ZNF536: variants seen among roughly 807,000 people sequenced by gnomAD.
The protein encoded by ZNF536 is zinc finger protein 536.
Under a neutral mutation model 84.5 loss-of-function variants are expected in ZNF536, and 13 were observed. The observed-to-expected ratio is 0.15, with a 90% CI of 0.10 to 0.24. ZNF536 has a LOEUF of 0.24. Among genes scored for constraint, ZNF536 ranks in the 10% least tolerant of loss-of-function variants. ZNF536 has a pLI of 1.00. For missense variants in ZNF536, 1,536 were observed against 1,747.5 expected (o/e 0.88, Z 2.16); for synonymous variants, 811 against 742.5 (o/e 1.09, Z -1.50).
chr19:30,543,930 C>A lies in ZNF536; in HGVS notation c.2324-4013C>A, dbSNP rs111569689. Among the ~76,000 whole-genome samples, 770 of 152,260 alleles carry A rather than the reference C, an allele frequency of 5.1e-3. 7 individuals are homozygous for A. The highest frequency in any genetic ancestry group is 0.017 in the African/African-American group (718 of 41,560). ...CTGGGTGTGCCTGGCTAGAAACATG[C>A]CCTGGCCGGGGCTCACTTTCATCTC... On this transcript the variant is annotated intron_variant, in intron 3 of 4. Transcript: ENST00000355537.
At chr19:30,268,743 G>T (rs1337363569) in intron 1 of ZNF536, among the ~76,000 whole-genome samples, 2 of 152,224 alleles carry the variant, frequency 1.3e-5, no homozygotes, top group African/African-American at 4.8e-5. Context: ...ATTGGAGAAT[G>T]AAGCGAACAT....
chr19:30,391,793 T>C (rs2049601027), intron 1 of ZNF536, among the ~76,000 whole-genome samples: 2 of 152,190 alleles, frequency 1.3e-5, no homozygotes, highest in African/African-American at 4.8e-5. Context: ...AAACTTTCCC[T>C]TGTTCTGATT....
At chr19:30,439,325 T>C (rs1005587310) in intron 1 of ZNF536, among the ~76,000 whole-genome samples, 2 of 152,280 alleles carry the variant, frequency 1.3e-5, no homozygotes, top group East Asian at 1.9e-4. Context: ...CGAGGGCAGG[T>C]ACATGGAAGG....
chr19:30,635,889 C>T (rs1013614856), intron 1 of ZNF536, among the ~76,000 whole-genome samples: 1 of 152,358 alleles, frequency 6.6e-6, no homozygotes, highest in South Asian at 2.1e-4. Flanking sequence ...AAACCCAGCT[C>T]CCTGCCATGT....
At chr19:30,712,278 G>A (rs1914466681) in exon 2 of ZNF536, 1 of 152,138 alleles carries the variant, frequency 6.6e-6, no homozygotes, top group South Asian at 2.1e-4. Context: ...AAGAAGACTA[G>A]TTAAAGGTTT....
intron 1 of ZNF536, among the ~76,000 whole-genome samples, chr19:30,264,966 T>TGTGTGTGTGTGTGTGAGAGA (rs59889852): frequency 3.0e-5 from 4 of 133,858 alleles, no homozygotes; most frequent in South Asian, 2.7e-4. Context: ...TGTGTGTGTG[T>TGTGTGTGTGTGTGTGAGAGA]GAGAGAGAGA....
At chr19:30,256,398 G>C (rs568403466) in intron 1 of ZNF536, among the ~76,000 whole-genome samples, 23 of 152,238 alleles carry the variant, frequency 1.5e-4, no homozygotes, top group Admixed American at 5.9e-4. Flanking sequence ...TACGAGCCCG[G>C]TTTGCTATTT....
rs558334048 is a variant in ZNF536, at chr19:30,488,689, C to T, written c.2170+42957C>T. 1.1e-4 allele frequency among the ~76,000 whole-genome samples: 17 copies of T among 151,924 alleles called. 1 individual carries two copies. Among genetic ancestry groups the T allele is most frequent in the South Asian group, 4.2e-4 (2 of 4,808 alleles). On this transcript the variant is annotated intron_variant, in intron 2 of 4. Coordinates refer to ENST00000355537, the MANE Select transcript of ZNF536 (RefSeq NM_014717.3). Reference sequence around the variant, plus strand: ...AGGAAAGCAAGCCAGGGGCAGAGGGCGGGTTGAGGGGTCAGCTGGAGGAAT... The same window carrying T: ...AGGAAAGCAAGCCAGGGGCAGAGGGTGGGTTGAGGGGTCAGCTGGAGGAAT...
At chr19:30,310,550 T>G (rs1435138876) in intron 2 of ZNF536, among the ~76,000 whole-genome samples, 1 of 152,226 alleles carries the variant, frequency 6.6e-6, no homozygotes, top group Non-Finnish European at 1.5e-5. Flanking sequence ...TGATGTTTAT[T>G]TGTTGGATAT....
intron 1 of ZNF536, among the ~76,000 whole-genome samples, chr19:30,702,224 G>T (rs760817763): frequency 5.9e-5 from 9 of 152,164 alleles, no homozygotes; most frequent in African/African-American, 2.2e-4. Flanking sequence ...CCCCACTTTC[G>T]TTATAAACAA....
intron 1 of ZNF536, among the ~76,000 whole-genome samples, chr19:30,669,339 G>T (rs2050454194): frequency 6.6e-6 from 1 of 152,210 alleles, no homozygotes; most frequent in Admixed American, 6.5e-5. Flanking sequence ...AGGACCACTG[G>T]CATTTGTGAT....
chr19:30,248,580 A>T (rs1437423704), intron 1 of ZNF536, among the ~76,000 whole-genome samples: 1 of 151,914 alleles, frequency 6.6e-6, no homozygotes, highest in Admixed American at 6.6e-5. Context: ...AGTTGGGGAG[A>T]TGTTCTTGAA....
At chr19:30,630,393 A>G (rs1208652186) in intron 1 of ZNF536, among the ~76,000 whole-genome samples, 2 of 122,512 alleles carry the variant, frequency 1.6e-5, no homozygotes, top group Non-Finnish European at 3.5e-5. Flanking sequence ...TTCTCCAGGA[A>G]GTATCCCGTG....
chr19:30,491,175 G>A (rs1239791253), intron 2 of ZNF536, among the ~76,000 whole-genome samples: 2 of 152,106 alleles, frequency 1.3e-5, no homozygotes, highest in African/African-American at 2.4e-5. Flanking sequence ...AGGGTGTTTT[G>A]GATAATTACA....
intron 3 of ZNF536, among the ~76,000 whole-genome samples, chr19:30,537,741 A>C (rs2045147804): frequency 6.6e-6 from 1 of 152,200 alleles, no homozygotes; most frequent in Non-Finnish European, 1.5e-5. Flanking sequence ...TCTGCTTCAC[A>C]AACCTTGGAA....
chr19:30,450,324 G>T (rs75419562), intron 2 of ZNF536, among the ~76,000 whole-genome samples: 50 of 152,224 alleles, frequency 3.3e-4, no homozygotes, highest in East Asian at 1.9e-3. Context: ...GGGGCTGGAG[G>T]GGGGGAGAGG....
chr19:30,656,407 C>G (rs2049916352), intron 1 of ZNF536, among the ~76,000 whole-genome samples: 1 of 152,192 alleles, frequency 6.6e-6, no homozygotes, highest in Non-Finnish European at 1.5e-5. Flanking sequence ...TATGAAAACT[C>G]TGCCATGCTT....
chr19:30,524,731 G>A (rs958683077), intron 2 of ZNF536, among the ~76,000 whole-genome samples: 1 of 152,068 alleles, frequency 6.6e-6, no homozygotes, highest in Non-Finnish European at 1.5e-5. Flanking sequence ...AGGAGGGGCT[G>A]TAAATTATCT....
At chr19:30,283,492 TTC>T (rs1158254850) in intron 1 of ZNF536, among the ~76,000 whole-genome samples, 1 of 152,210 alleles carries the variant, frequency 6.6e-6, no homozygotes, top group Non-Finnish European at 1.5e-5. Flanking sequence ...GGCTGCTGCT[TTC>T]CTGGTCTGGG....
Sources: allele counts gnomAD v4.1 joint callset (sites outside exome capture counted in the v4.1 genomes callset), GRCh38; gene constraint gnomAD v4.1.1; transcripts MANE v1.5; gene names NCBI Gene and HGNC (gene_info 2026-07-23, HGNC 2026-07-21).